Variants in BMP5 observed in about 807,000 individuals in gnomAD.
BMP5 encodes bone morphogenetic protein 5.
A neutral mutation model predicts 46.6 loss-of-function variants in BMP5; 23 were observed. The ratio of observed to expected loss-of-function variants is 0.49; its 90% CI spans 0.35 to 0.70. The LOEUF is 0.70. Among genes scored for constraint, BMP5 ranks in the 30% least tolerant of loss-of-function variants. The pLI is 0.00. For synonymous variants in BMP5, 204 were observed against 191.9 expected (o/e 1.06, Z -0.52); for missense variants, 545 against 565.6 (o/e 0.96, Z 0.37).
intron 5 of BMP5, 46 bp from the exon 6 acceptor site, chr6:55,759,161 A>AC (rs1774695396): frequency 2.5e-6 from 2 of 811,006 alleles, no homozygotes; most frequent in African/African-American, 2.0e-5. Flanking sequence ...AAAAAAAAAA[A>AC]AAAAAAAAAA....
At chr6:55,860,278 A>AC in intron 1 of BMP5, among the ~76,000 whole-genome samples, 1 of 152,176 alleles carries the variant, frequency 6.6e-6, no homozygotes, top group Admixed American at 6.6e-5. Context: ...TGTCTCAAAA[A>AC]ATTTTTTTAA....
intron 2 of BMP5, among the ~76,000 whole-genome samples, chr6:55,802,761 A>G (rs1311706822): frequency 6.6e-6 from 1 of 151,164 alleles, no homozygotes; most frequent in Non-Finnish European, 1.5e-5. Context: ...AATGGCAAAA[A>G]CCACAAGTAC....
At chr6:55,762,648 G>A (rs1339504903) in intron 4 of BMP5, among the ~76,000 whole-genome samples, 1 of 151,974 alleles carries the variant, frequency 6.6e-6, no homozygotes, top group Non-Finnish European at 1.5e-5. Context: ...AACATGAAAT[G>A]GTTAAATTTC....
chr6:55,841,849 G>A (rs1159383788), intron 1 of BMP5, among the ~76,000 whole-genome samples: 1 of 151,936 alleles, frequency 6.6e-6, no homozygotes, highest in Non-Finnish European at 1.5e-5. Context: ...CTGAAGTACT[G>A]GGAGTTACAG....
In BMP5 at chr6:55,819,758, T is replaced by C. The variant is rs776238531; in HGVS notation, c.580A>G (p.Thr194Ala). 7.4e-6 allele frequency: 12 copies of C among 1,613,598 alleles called. No homozygotes were observed. The South Asian group carries it at 1.3e-4, about 18-fold the overall frequency. The change falls in exon 2 of 7, where the codon ACA becomes GCA. Residue 194 changes from threonine to alanine, a missense_variant. By Grantham distance (58) the Thr-to-Ala change is moderately conservative. Coordinates refer to ENST00000370830, the MANE Select transcript of BMP5 (RefSeq NM_021073.4). ...LTQIPHGEAVTAAEFRIYKDR... is the reference protein window; with the variant it reads ...LTQIPHGEAVAAAEFRIYKDR... ...TTGTATATCCGGAATTCAGCTGCTG[T>C]CACTGCCTCTCCATGAGGAATTTGG...
chr6:55,833,982 G>A (rs1028345039), intron 1 of BMP5, among the ~76,000 whole-genome samples: 4 of 152,004 alleles, frequency 2.6e-5, no homozygotes, highest in East Asian at 1.9e-4. Context: ...TATGTATTTA[G>A]TAAAAGAAAA....
At chr6:55,779,077 CAG>C (rs1775245805) in intron 3 of BMP5, among the ~76,000 whole-genome samples, 1 of 152,008 alleles carries the variant, frequency 6.6e-6, no homozygotes, top group Admixed American at 6.6e-5. Flanking sequence ...TCTTTCAAAA[CAG>C]AGTTATTAAA....
chr6:55,786,519 A>T (rs1282506594), intron 3 of BMP5, among the ~76,000 whole-genome samples: 1 of 151,518 alleles, frequency 6.6e-6, no homozygotes, highest in Non-Finnish European at 1.5e-5. Flanking sequence ...CCTTTTATGC[A>T]CATTGATTTA....
intron 1 of BMP5, among the ~76,000 whole-genome samples, chr6:55,846,748 T>C (rs1777106704): frequency 6.6e-6 from 1 of 151,858 alleles, no homozygotes. Flanking sequence ...AATATCTTCA[T>C]TACTGGTAGA....
chr6:55,820,666 A>G (rs757834124), intron 1 of BMP5, among the ~76,000 whole-genome samples: 22 of 152,018 alleles, frequency 1.4e-4, no homozygotes, highest in Non-Finnish European at 2.9e-4. Flanking sequence ...AATCCTCCCA[A>G]TTTGGCATCC....
chr6:55,768,328 T>C (rs1022004173), intron 4 of BMP5, among the ~76,000 whole-genome samples: 2 of 151,920 alleles, frequency 1.3e-5, no homozygotes, highest in African/African-American at 4.8e-5. Flanking sequence ...TTGATGATGG[T>C]TTGAAAGCAA....
intron 3 of BMP5, among the ~76,000 whole-genome samples, chr6:55,783,158 T>G (rs1442776318): frequency 1.3e-5 from 2 of 152,106 alleles, no homozygotes; most frequent in Non-Finnish European, 2.9e-5. Context: ...CAATACTTCT[T>G]ATTAGCCATA....
At chr6:55,845,651 C>T (rs1036615579) in intron 1 of BMP5, among the ~76,000 whole-genome samples, 5 of 151,860 alleles carry the variant, frequency 3.3e-5, no homozygotes, top group Admixed American at 2.6e-4. Context: ...ATAAAAGAAG[C>T]CTTTGAAGGA....
In BMP5 at chr6:55,759,144, CAAAAAAAA is replaced by C. The variant is rs754365141; in HGVS notation, c.1105-37_1105-30del. 287 of 85,058 alleles carry C rather than the reference CAAAAAAAA, an allele frequency of 3.4e-3. 3 individuals carry two copies. In the African/African-American group the frequency reaches 0.061, roughly 18 times the overall value. 5.3% of individuals were successfully genotyped at this position (85,058 alleles called of 1,614,324 possible). A position where few individuals can be genotyped will look rare whatever the true frequency, so the allele number is the denominator to read the frequency against. Reference sequence around the variant, plus strand: ...ACACATACACACACACACACACACACAAAAAAAAAAAAAAAAAAAAAAAAAAAAAAAAA... The same window carrying C: ...ACACATACACACACACACACACACACAAAAAAAAAAAAAAAAAAAAAAAAA... On this transcript the variant is annotated intron_variant, in intron 5 of 6. Coordinates refer to ENST00000370830, the MANE Select transcript of BMP5 (RefSeq NM_021073.4).
At chr6:55,767,262 A>G (rs1410414757) in intron 4 of BMP5, among the ~76,000 whole-genome samples, 1 of 151,996 alleles carries the variant, frequency 6.6e-6, no homozygotes, top group African/African-American at 2.4e-5. Flanking sequence ...TACTTATAAG[A>G]GAGAGTGTGA....
chr6:55,765,751 TA>T (rs1774902502), intron 4 of BMP5, among the ~76,000 whole-genome samples: 1 of 152,178 alleles, frequency 6.6e-6, no homozygotes, highest in Non-Finnish European at 1.5e-5. Flanking sequence ...GTAGATATAT[TA>T]ACACAATTTT....
intron 2 of BMP5, among the ~76,000 whole-genome samples, chr6:55,816,170 C>T (rs1009302258): frequency 3.3e-5 from 5 of 151,686 alleles, no homozygotes; most frequent in African/African-American, 9.7e-5. Flanking sequence ...AAAAAATAAA[C>T]ATAATTCAAA....
intron 3 of BMP5, among the ~76,000 whole-genome samples, chr6:55,782,684 G>A (rs143493361): frequency 7.0e-4 from 106 of 152,164 alleles, no homozygotes; most frequent in African/African-American, 2.5e-3. Context: ...AACATAACTG[G>A]TACCTGAGAG....
At chr6:55,773,017 G>A (rs1775083161) in intron 4 of BMP5, 1 of 688,780 alleles carries the variant, frequency 1.5e-6, no homozygotes, top group African/African-American at 2.0e-5. Flanking sequence ...TCATTTTCAA[G>A]TAACCTGAGA....
Sources: gnomAD v4.1 joint callset for allele counts (sites outside exome capture counted in the v4.1 genomes callset) on GRCh38, gnomAD v4.1.1 for gene constraint, MANE v1.5 for transcripts, NCBI Gene and HGNC (gene_info 2026-07-23, HGNC 2026-07-21) for gene names.